The following WDR27 variants were observed in gnomAD, a reference collection of about 807,000 sequenced individuals.
WDR27 encodes the protein WD repeat-containing protein 27.
Under a neutral mutation model 114.4 loss-of-function variants are expected in WDR27, and 100 were observed. The observed-to-expected ratio is 0.87, with a 90% CI of 0.74 to 1.03. The LOEUF (loss-of-function observed/expected upper bound fraction) is 1.03. Among genes scored for constraint, WDR27 ranks in the 50% least tolerant of loss-of-function variants. The pLI, the probability that WDR27 is intolerant of heterozygous loss-of-function variation, is 0.00. For synonymous variants in WDR27, 449 were observed against 423.1 expected, an observed-to-expected ratio of 1.06 and a Z score of -0.75; for missense variants, 1,129 against 1,092.9, an observed-to-expected ratio of 1.03 and a Z score of -0.47.
the WDR27 span, among the ~76,000 whole-genome samples, chr6:169,428,860 C>G: frequency 6.6e-6 from 1 of 152,170 alleles, no homozygotes; most frequent in Non-Finnish European, 1.5e-5. Context: ...TGAAGGAAGT[C>G]TTCGTCCCAC....
intron 25 of WDR27, among the ~76,000 whole-genome samples, chr6:169,466,662 T>A (rs1785628183): frequency 1.3e-5 from 2 of 152,122 alleles, no homozygotes; most frequent in African/African-American, 4.8e-5. Context: ...ACCACCCCCA[T>A]GATCCAATCA....
intron 24 of WDR27, among the ~76,000 whole-genome samples, chr6:169,573,178 A>AC (rs1801733450): frequency 6.6e-6 from 1 of 152,126 alleles, no homozygotes; most frequent in South Asian, 2.1e-4. Context: ...CTCTCCGAGA[A>AC]CCCCCCAAGT....
intron 23 of WDR27, among the ~76,000 whole-genome samples, 178 bp from the exon 24 acceptor site, chr6:169,583,112 T>C (rs1008393042): frequency 2.6e-5 from 4 of 152,116 alleles, no homozygotes; most frequent in Non-Finnish European, 5.9e-5. Context: ...AAAATAGGCA[T>C]CTTTTCCCCT....
At chr6:169,567,107 G>A (rs925930386) in intron 25 of WDR27, among the ~76,000 whole-genome samples, 2 of 152,186 alleles carry the variant, frequency 1.3e-5, no homozygotes, top group Admixed American at 6.5e-5. Flanking sequence ...GGCTGTCTGG[G>A]GGACCTTTGG....
At chr6:169,568,021 C>T (rs1474523391) in intron 25 of WDR27, among the ~76,000 whole-genome samples, 2 of 152,192 alleles carry the variant, frequency 1.3e-5, no homozygotes, top group African/African-American at 2.4e-5. Context: ...TAAACAGAGA[C>T]CCAAGGGAGC....
chr6:169,450,861 C>A, the WDR27 span, among the ~76,000 whole-genome samples: 1 of 152,020 alleles, frequency 6.6e-6, no homozygotes, highest in Non-Finnish European at 1.5e-5. Context: ...CACCATCTAT[C>A]CACACTGGAT....
intron 25 of WDR27, among the ~76,000 whole-genome samples, chr6:169,508,446 G>A (rs1397855403): frequency 6.6e-6 from 1 of 152,174 alleles, no homozygotes; most frequent in African/African-American, 2.4e-5. Flanking sequence ...ATGTTCAAGA[G>A]TTGAGGGCAA....
At chr6:169,544,454 T>C (rs1319589555) in intron 25 of WDR27, among the ~76,000 whole-genome samples, 1 of 151,618 alleles carries the variant, frequency 6.6e-6, no homozygotes, top group Non-Finnish European at 1.5e-5. Context: ...TGTTTGTTTG[T>C]TTGAGATGGA....
chr6:169,575,324 CT>C (rs1562611378), intron 24 of WDR27, among the ~76,000 whole-genome samples: 1 of 78,672 alleles, frequency 1.3e-5, no homozygotes, highest in African/African-American at 4.5e-5. Flanking sequence ...CTCCCTCCCT[CT>C]CTCTCTCTCC....
chr6:169,471,224 G>A (rs1000859922), intron 25 of WDR27, among the ~76,000 whole-genome samples: 1 of 151,990 alleles, frequency 6.6e-6, no homozygotes, highest in African/African-American at 2.4e-5. Flanking sequence ...TCAGCGTCAG[G>A]TCTAAGAATA....
intron 25 of WDR27, among the ~76,000 whole-genome samples, chr6:169,462,356 G>A (rs1193015175): frequency 1.3e-5 from 2 of 152,038 alleles, no homozygotes; most frequent in Admixed American, 6.6e-5. Context: ...AGAATCGCTT[G>A]AACCTGGGAG....
intron 23 of WDR27, among the ~76,000 whole-genome samples, chr6:169,588,288 C>T (rs780687863): frequency 6.6e-5 from 10 of 152,166 alleles, no homozygotes; most frequent in Non-Finnish European, 1.3e-4. Context: ...GTTTATATTT[C>T]TCTTGACTGA....
intron 25 of WDR27, among the ~76,000 whole-genome samples, chr6:169,526,771 A>G (rs1281331756): frequency 6.6e-6 from 1 of 152,246 alleles, no homozygotes; most frequent in Non-Finnish European, 1.5e-5. Context: ...TTGAATATAT[A>G]TTATTCAGAA....
intron 25 of WDR27, among the ~76,000 whole-genome samples, chr6:169,552,951 G>A (rs1285643283): frequency 6.7e-6 from 1 of 148,928 alleles, no homozygotes; most frequent in African/African-American, 2.5e-5. Flanking sequence ...CGCTCTGTGT[G>A]CTGTTTGGGG....
intron 25 of WDR27, among the ~76,000 whole-genome samples, chr6:169,464,138 C>T (rs1296561711): frequency 6.6e-6 from 1 of 152,178 alleles, no homozygotes; most frequent in Non-Finnish European, 1.5e-5. Flanking sequence ...ACTATTAATA[C>T]ATATCTTCAA....
At chr6:169,612,326 A>G (rs567753726) in intron 22 of WDR27, among the ~76,000 whole-genome samples, 1 of 152,348 alleles carries the variant, frequency 6.6e-6, no homozygotes, top group African/African-American at 2.4e-5. Context: ...AGGCTGAGGC[A>G]GGAGAATGGC....
At chr6:169,552,293 G>A (rs1330713254) in intron 25 of WDR27, among the ~76,000 whole-genome samples, 1 of 152,002 alleles carries the variant, frequency 6.6e-6, no homozygotes, top group Non-Finnish European at 1.5e-5. Context: ...CTTTTAATAA[G>A]CACGTAGATG....
At chr6:169,634,119 C>G (rs2494689) in intron 20 of WDR27, among the ~76,000 whole-genome samples, 146,264 of 152,276 alleles carry the variant, frequency 0.96, 70,261 homozygotes, top group East Asian at 0.99. Flanking sequence ...AGATGAGATA[C>G]AATGACTAAA....
At chr6:169,614,649 C>T (rs1811368046) in intron 21 of WDR27, among the ~76,000 whole-genome samples, 1 of 150,920 alleles carries the variant, frequency 6.6e-6, no homozygotes, top group Non-Finnish European at 1.5e-5. Flanking sequence ...GATCACACCA[C>T]TGCACTCCAG....
Sources: allele counts gnomAD v4.1 joint callset (sites outside exome capture counted in the v4.1 genomes callset), GRCh38; gene constraint gnomAD v4.1.1; transcripts MANE v1.5; gene names NCBI Gene and HGNC (gene_info 2026-07-23, HGNC 2026-07-21).